Variants in FYB1 observed in about 807,000 individuals in gnomAD.
FYB1 encodes the protein FYN binding protein 1, also known as FYN-binding protein 1.
FYB1 carries 41 observed loss-of-function variants against 94.1 expected under a neutral mutation model. The observed-to-expected ratio is 0.44, with a 90% CI of 0.34 to 0.57. FYB1 has a LOEUF of 0.57. Ranked by LOEUF, FYB1 falls within the 20% of genes least tolerant of loss-of-function variation. The pLI, the probability that FYB1 is intolerant of heterozygous loss-of-function variation, is 0.02. For synonymous variants in FYB1, 367 were observed against 353.2 expected (o/e 1.04, Z -0.44); for missense variants, 1,050 against 976.8 (o/e 1.07, Z -1.00).
chr5:39,200,811 G>A (rs1008239596), intron 2 of FYB1, among the ~76,000 whole-genome samples: 91 of 152,216 alleles, frequency 6.0e-4, no homozygotes, highest in African/African-American at 1.9e-3. Flanking sequence ...ACCATACTTC[G>A]GTAAGGAGAA....
chr5:39,141,372 T>C (rs746885723), intron 3 of FYB1, among the ~76,000 whole-genome samples: 19 of 152,234 alleles, frequency 1.2e-4, no homozygotes, highest in Non-Finnish European at 1.6e-4. Flanking sequence ...CATAGTAGAC[T>C]CATACAATTA....
intron 14 of FYB1, 85 bp from the exon 15 acceptor site, chr5:39,119,719 A>G: frequency 7.7e-7 from 1 of 1,291,598 alleles, no homozygotes; most frequent in Non-Finnish European, 9.9e-7. Flanking sequence ...TCATAGCATT[A>G]TATTTTTAAC....
At chr5:39,223,761 C>A (rs1296834498), upstream of FYB1, among the ~76,000 whole-genome samples, 4 of 152,154 alleles carry the variant, frequency 2.6e-5, no homozygotes, top group African/African-American at 9.7e-5. Flanking sequence ...AGATAAAACC[C>A]TAGGTAAGAG....
intron 3 of FYB1, among the ~76,000 whole-genome samples, chr5:39,151,114 G>A (rs765146510): frequency 9.2e-5 from 14 of 152,036 alleles, no homozygotes; most frequent in Non-Finnish European, 2.1e-4. Context: ...CTTTGCTCAA[G>A]TATCATTTTC....
chr5:39,109,398 G>T (rs1467200282), intron 17 of FYB1, among the ~76,000 whole-genome samples: 1 of 152,052 alleles, frequency 6.6e-6, no homozygotes, highest in African/African-American at 2.4e-5. Flanking sequence ...CAATCAGCCT[G>T]TAATAATCAC....
chr5:39,258,941 T>G (rs1480137526), intron 1 of FYB1, among the ~76,000 whole-genome samples: 1 of 152,114 alleles, frequency 6.6e-6, no homozygotes, highest in Non-Finnish European at 1.5e-5. Flanking sequence ...GTAGGGTCAC[T>G]CTGTGAAACC....
At chr5:39,138,916 C>T (rs1741901981) in intron 5 of FYB1, 1 of 574,440 alleles carries the variant, frequency 1.7e-6, no homozygotes, top group Non-Finnish European at 3.1e-6. Flanking sequence ...GTAAGTTTGG[C>T]TTATTTAAAA....
At chr5:39,155,595 T>C (rs1439341446) in intron 2 of FYB1, among the ~76,000 whole-genome samples, 2 of 152,228 alleles carry the variant, frequency 1.3e-5, no homozygotes, top group African/African-American at 4.8e-5. Flanking sequence ...TGTCACTACA[T>C]TATCTTTAGG....
intron 13 of FYB1, among the ~76,000 whole-genome samples, chr5:39,123,657 A>T (rs1166008241): frequency 6.6e-6 from 1 of 152,102 alleles, no homozygotes; most frequent in Non-Finnish European, 1.5e-5. Flanking sequence ...CTCTTTTAAT[A>T]TACTTATAAG....
At chr5:39,220,904 G>A (rs897423040), upstream of FYB1, among the ~76,000 whole-genome samples, 10 of 152,176 alleles carry the variant, frequency 6.6e-5, no homozygotes, top group African/African-American at 2.4e-4. Flanking sequence ...AGCAAAAGAA[G>A]ACAATGATGG....
At chr5:39,270,751 C>T in intron 1 of FYB1, 1 of 484,192 alleles carries the variant, frequency 2.1e-6, no homozygotes, top group East Asian at 3.1e-5. Flanking sequence ...ACCCTCAGAG[C>T]ATTTGTATAG....
At chr5:39,230,604 C>T (rs561596057) in intron 1 of FYB1, among the ~76,000 whole-genome samples, 1 of 152,050 alleles carries the variant, frequency 6.6e-6, no homozygotes, top group African/African-American at 2.4e-5. Flanking sequence ...ACATATTCTT[C>T]CACATCCCTG....
chr5:39,191,576 G>C (rs1473659518), intron 2 of FYB1, among the ~76,000 whole-genome samples: 1 of 151,956 alleles, frequency 6.6e-6, no homozygotes. Flanking sequence ...TTCTACCTTT[G>C]ATATGCCAGA....
Position 39,190,901 on chromosome 5 carries a change from G to T in FYB1, c.1135+10925C>A, listed in dbSNP as rs188039367. Among the ~76,000 whole-genome samples, 24 of 152,144 alleles carry T rather than the reference G, an allele frequency of 1.6e-4. No individual in the cohort carries two copies. The East Asian group carries it at 4.6e-3, about 29-fold the overall frequency. ...GAGAAACAGAAGTCCTGGAGAAGCT[G>T]CAATCTAGATCCTCAATGACTGAGA... On this transcript the variant is annotated intron_variant, in intron 2 of 18. Coordinates refer to ENST00000512982, the MANE Select transcript of FYB1 (RefSeq NM_001465.6).
At chr5:39,221,732 C>G (rs1750272618), upstream of FYB1, among the ~76,000 whole-genome samples, 1 of 152,166 alleles carries the variant, frequency 6.6e-6, no homozygotes, top group South Asian at 2.1e-4. Context: ...TGAGGTGGCT[C>G]ACGCCTATAA....
rs182141320 is a variant in FYB1, at chr5:39,200,103, T to C, written c.1135+1723A>G. On this transcript the variant is annotated intron_variant, in intron 2 of 18. Coordinates refer to ENST00000512982, the MANE Select transcript of FYB1 (RefSeq NM_001465.6). ...ATGACAGGATTTAAAATGTGAACTG[T>C]GGCATGGGCTACTGACAGTGAGGAA... is the stretch of plus-strand genomic sequence containing the variant. Among the ~76,000 whole-genome samples the C allele has an allele frequency of 4.9e-3, 747 of 152,214 alleles. 6 individuals are homozygous for C. The highest frequency in any genetic ancestry group is 4.6e-3 in the Non-Finnish European group (310 of 67,994).
chr5:39,147,236 T>C (rs1465449102), intron 3 of FYB1, among the ~76,000 whole-genome samples: 1 of 152,164 alleles, frequency 6.6e-6, no homozygotes, highest in East Asian at 1.9e-4. Flanking sequence ...TTTCCTGATG[T>C]ATAAAGATGT....
rs56144868 is a variant in FYB1 at position 39,186,638 on chromosome 5, CTTTTTTTTTTTTTT to C, written c.1135+15174_1135+15187del. Among the ~76,000 whole-genome samples the C allele has an allele frequency of 2.1e-4, 16 of 76,370 alleles. 1 individual carries two copies. In the East Asian group the frequency reaches 3.8e-3, roughly 18 times the overall value. The allele number at this position is 76,370 out of a possible 152,430, so 50.1% of individuals were successfully genotyped here. A position where few individuals can be genotyped will look rare whatever the true frequency, so the allele number is the denominator to read the frequency against. On this transcript the variant is annotated intron_variant, in intron 2 of 18. Transcript: ENST00000512982. ...ATTTAACACCTGCAACAATTGGATG[CTTTTTTTTTTTTTT>C]TTTTTTTTTTTTACTATTATTGATC...
chr5:39,241,453 A>C (rs1316455470), intron 1 of FYB1, among the ~76,000 whole-genome samples: 3 of 152,182 alleles, frequency 2.0e-5, no homozygotes, highest in African/African-American at 7.2e-5. Context: ...ACATATTCAC[A>C]TCAGCTTATT....
Sources: allele counts gnomAD v4.1 joint callset (sites outside exome capture counted in the v4.1 genomes callset), GRCh38; gene constraint gnomAD v4.1.1; transcripts MANE v1.5; gene names NCBI Gene and HGNC (gene_info 2026-07-23, HGNC 2026-07-21).